The following TRPC4 variants were observed in gnomAD, a reference collection of about 807,000 sequenced individuals.
TRPC4 encodes the protein transient receptor potential cation channel subfamily C member 4.
TRPC4 carries 49 observed loss-of-function variants against 99.4 expected under a neutral mutation model. The ratio of observed to expected loss-of-function variants is 0.49; its 90% CI spans 0.39 to 0.63. TRPC4 has a LOEUF of 0.63. Among genes scored for constraint, TRPC4 ranks in the 20% least tolerant of loss-of-function variants. The pLI, the probability that TRPC4 is intolerant of heterozygous loss-of-function variation, is 0.00. For synonymous variants in TRPC4, 454 were observed against 425.9 expected (o/e 1.07, Z -0.81); for missense variants, 898 against 1,152.9 (o/e 0.78, Z 3.20).
chr13:37,724,081 A>G (rs1025832348), intron 3 of TRPC4, among the ~76,000 whole-genome samples: 1 of 152,300 alleles, frequency 6.6e-6, no homozygotes, highest in African/African-American at 2.4e-5. Flanking sequence ...TGATTCATTC[A>G]TTATTTATGA....
chr13:37,642,142 T>C (rs942222493), intron 8 of TRPC4, among the ~76,000 whole-genome samples: 2 of 152,146 alleles, frequency 1.3e-5, no homozygotes, highest in Non-Finnish European at 2.9e-5. Flanking sequence ...AACTTGCATG[T>C]AAGTGATAGA....
At chr13:37,848,756 C>T (rs1335770312) in intron 1 of TRPC4, among the ~76,000 whole-genome samples, 1 of 152,072 alleles carries the variant, frequency 6.6e-6, no homozygotes, top group African/African-American at 2.4e-5. Flanking sequence ...CATCAGTACT[C>T]ATGAAGAAAA....
At chr13:37,736,389 C>T (rs904985910) in intron 3 of TRPC4, among the ~76,000 whole-genome samples, 4 of 152,146 alleles carry the variant, frequency 2.6e-5, no homozygotes, top group African/African-American at 9.7e-5. Flanking sequence ...GGAATTCTGC[C>T]TTATATCTTT....
chr13:37,703,465 A>AT (rs1954168963), intron 3 of TRPC4, among the ~76,000 whole-genome samples: 1 of 152,142 alleles, frequency 6.6e-6, no homozygotes. Context: ...GACCAAGTAT[A>AT]ATTAACCAAA....
At chr13:37,786,332 A>ACACG (rs1956969692) in intron 1 of TRPC4, among the ~76,000 whole-genome samples, 1 of 143,792 alleles carries the variant, frequency 7.0e-6, no homozygotes, top group South Asian at 2.2e-4. Flanking sequence ...ACACACACAC[A>ACACG]CGTAGAGAAG....
At chr13:37,698,997 T>C (rs545308202) in intron 3 of TRPC4, among the ~76,000 whole-genome samples, 1 of 152,202 alleles carries the variant, frequency 6.6e-6, no homozygotes, top group South Asian at 2.1e-4. Flanking sequence ...GTACTTTGTA[T>C]TATATATTTG....
rs80314404 is a variant in TRPC4, at chr13:37,722,047, C to A, written c.897+23890G>T. On this transcript the variant is annotated intron_variant, in intron 3 of 10. Transcript: ENST00000379705. Reference sequence around the variant, plus strand: ...TTATGGATTAACTTCTTTGATATAACAATTTCAGAAGGAGTATATGGAGAT... The same window carrying A: ...TTATGGATTAACTTCTTTGATATAAAAATTTCAGAAGGAGTATATGGAGAT... 5.0e-4 allele frequency among the ~76,000 whole-genome samples: 76 copies of A among 152,260 alleles called. 1 individual carries two copies. The East Asian group carries it at 0.013, about 26-fold the overall frequency.
At chr13:37,799,293 A>T (rs1957336146) in intron 1 of TRPC4, among the ~76,000 whole-genome samples, 1 of 152,284 alleles carries the variant, frequency 6.6e-6, no homozygotes, top group East Asian at 1.9e-4. Context: ...AGCCTCTAGC[A>T]ATGCATGTAG....
intron 1 of TRPC4, among the ~76,000 whole-genome samples, chr13:37,783,982 A>G (rs575265696): frequency 2.0e-5 from 3 of 152,276 alleles, no homozygotes; most frequent in African/African-American, 7.2e-5. Flanking sequence ...TGCCGGAATT[A>G]CAGGCATGAG....
At chr13:37,830,220 A>G (rs1184503871) in intron 1 of TRPC4, among the ~76,000 whole-genome samples, 1 of 152,184 alleles carries the variant, frequency 6.6e-6, no homozygotes, top group Non-Finnish European at 1.5e-5. Flanking sequence ...TTCAGCACAT[A>G]AATGTGGTAA....
chr13:37,817,053 A>T (rs2067818502), intron 1 of TRPC4, among the ~76,000 whole-genome samples: 4 of 152,104 alleles, frequency 2.6e-5, no homozygotes, highest in Admixed American at 2.6e-4. Flanking sequence ...AATAAAAGGC[A>T]TCCAAATAGG....
At chr13:37,729,650 G>C (rs1425117275) in intron 3 of TRPC4, among the ~76,000 whole-genome samples, 1 of 152,094 alleles carries the variant, frequency 6.6e-6, no homozygotes, top group African/African-American at 2.4e-5. Context: ...ATATTGTTTA[G>C]CATTAAAAAG....
rs374099923 is a variant in TRPC4 at position 37,763,788 on chromosome 13, G to C, written c.379-17333C>G. Among the ~76,000 whole-genome samples the C allele has an allele frequency of 3.3e-5, 5 of 151,752 alleles. No individual in the cohort carries two copies. The East Asian group carries it at 5.8e-4, about 18-fold the overall frequency. On this transcript the variant is annotated intron_variant, in intron 2 of 10. Coordinates refer to ENST00000379705, the MANE Select transcript of TRPC4 (RefSeq NM_016179.4). ...GTAACATCACAAAGGATGAGGGTCA[G>C]AACATATTGGAGTATGCGTGGGTGC...
At chr13:37,707,603 T>C (rs935838900) in intron 3 of TRPC4, among the ~76,000 whole-genome samples, 3 of 152,142 alleles carry the variant, frequency 2.0e-5, no homozygotes, top group Admixed American at 6.6e-5. Context: ...CAGTTTCCTA[T>C]GTCAGTACTA....
chr13:37,730,464 T>C (rs1955207786), intron 3 of TRPC4, among the ~76,000 whole-genome samples: 1 of 151,964 alleles, frequency 6.6e-6, no homozygotes, highest in Admixed American at 6.6e-5. Flanking sequence ...TTGGTTAAAT[T>C]AACTGTCTTT....
At chr13:37,637,681 A>G (rs1951579728) in intron 10 of TRPC4, 56 bp from the exon 11 acceptor site, 50 of 1,492,768 alleles carry the variant, frequency 3.3e-5, no homozygotes, top group South Asian at 5.5e-5. Flanking sequence ...TGGAAACATC[A>G]TTTTCTCGTC....
chr13:37,637,521 T>C lies in TRPC4; in HGVS notation c.2316A>G (p.Ser772=). ...IQSANASKES[S]NSADSDEKSD... is the part of the protein sequence containing the mutation. ...TCTTTTCATCTGAGTCTGCCGAATTTGAAGACTCCTTCGAGGCATTCGCAG... is the reference window on the plus strand; with the variant it reads ...TCTTTTCATCTGAGTCTGCCGAATTCGAAGACTCCTTCGAGGCATTCGCAG... Residue 772 remains serine (S), a synonymous_variant, in exon 11 of 11, where the codon TCA becomes TCG. Transcript: ENST00000379705. 6.2e-7 allele frequency: 1 copy of C among 1,613,834 alleles called. No individual in the cohort carries two copies. The highest frequency in any genetic ancestry group is 8.5e-7 in the Non-Finnish European group (1 of 1,179,794).
intron 1 of TRPC4, among the ~76,000 whole-genome samples, chr13:37,786,289 G>GACAC (rs10549960): frequency 0.024 from 3,423 of 140,982 alleles, 45 homozygotes; most frequent in Admixed American, 0.04. Flanking sequence ...CAGGGAGAAA[G>GACAC]ACACACACAC....
chr13:37,825,933 C>A (rs1477120813), intron 1 of TRPC4, among the ~76,000 whole-genome samples: 3 of 143,816 alleles, frequency 2.1e-5, no homozygotes, highest in Non-Finnish European at 4.6e-5. Context: ...TCACTCAGGA[C>A]TTGCTTTATG....
Sources: gnomAD v4.1 joint callset for allele counts (sites outside exome capture counted in the v4.1 genomes callset) on GRCh38, gnomAD v4.1.1 for gene constraint, MANE v1.5 for transcripts, NCBI Gene and HGNC (gene_info 2026-07-23, HGNC 2026-07-21) for gene names.